The following PRELID2 variants were observed in gnomAD, a reference collection of about 807,000 sequenced individuals.
PRELID2 encodes PRELI domain-containing protein 2.
Under a neutral mutation model 28.4 loss-of-function variants are expected in PRELID2, and 25 were observed. That is an observed-to-expected ratio of 0.88 (90% CI 0.64 to 1.23). The LOEUF (loss-of-function observed/expected upper bound fraction) is 1.23. PRELID2 is among the 50% of genes most tolerant of loss of function. The probability of loss-of-function intolerance (pLI) is 0.00; values close to 1 mark genes in which losing one functional copy is unlikely to be tolerated. For synonymous variants in PRELID2, 76 were observed against 71.6 expected (o/e 1.06, Z -0.31); for missense variants, 201 against 214.4 (o/e 0.94, Z 0.39).
At chr5:145,316,930 T>C in the PRELID2 span, among the ~76,000 whole-genome samples, 4 of 152,342 alleles carry the variant, frequency 2.6e-5, no homozygotes, top group East Asian at 7.7e-4. Context: ...AATTTAGTCT[T>C]GCTCTCACAA....
chr5:145,522,381 A>G (rs534149541), intron 1 of PRELID2, among the ~76,000 whole-genome samples: 25 of 151,734 alleles, frequency 1.6e-4, no homozygotes, highest in African/African-American at 3.1e-4. Context: ...CTGTGTATCT[A>G]TCTATAGATA....
intron 1 of PRELID2, among the ~76,000 whole-genome samples, chr5:145,694,614 GA>G (rs1325434339): frequency 6.6e-6 from 1 of 152,064 alleles, no homozygotes. Flanking sequence ...TGTAGTTTTT[GA>G]CTGTTGTTTT....
the PRELID2 span, among the ~76,000 whole-genome samples, chr5:145,295,279 T>C: frequency 1.3e-5 from 2 of 152,124 alleles, no homozygotes; most frequent in South Asian, 4.1e-4. Context: ...TATTTTGTTA[T>C]AAAGACTCAA....
chr5:145,467,583 C>T (rs1315979555), downstream of PRELID2, among the ~76,000 whole-genome samples: 1 of 152,068 alleles, frequency 6.6e-6, no homozygotes, highest in East Asian at 1.9e-4. Context: ...GTGCAAAGTA[C>T]TTTACATACA....
chr5:145,262,613 C>T, the PRELID2 span, among the ~76,000 whole-genome samples: 1 of 151,946 alleles, frequency 6.6e-6, no homozygotes, highest in African/African-American at 2.4e-5. Context: ...AGGAAAGAGA[C>T]AGCCTTTTCC....
At chr5:145,796,250 A>G (rs1446185651) in intron 5 of PRELID2, 192 bp downstream of exon 5, 3 of 407,220 alleles carry the variant, frequency 7.4e-6, no homozygotes, top group Non-Finnish European at 1.3e-5. Flanking sequence ...TTAATGAGCC[A>G]TAAATGCCAC....
intron 1 of PRELID2, among the ~76,000 whole-genome samples, chr5:145,485,508 T>C (rs1381795839): frequency 1.3e-5 from 2 of 152,234 alleles, no homozygotes; most frequent in East Asian, 3.8e-4. Flanking sequence ...GCCTGCTCTG[T>C]TAACCACAAG....
chr5:145,746,114 G>A (rs1049471949), intron 1 of PRELID2, among the ~76,000 whole-genome samples: 30 of 152,210 alleles, frequency 2.0e-4, no homozygotes, highest in East Asian at 7.7e-4. Context: ...CAACTAGTGC[G>A]CAAAATAACC....
rs79736825 is a variant in PRELID2 at position 145,657,975 on chromosome 5, A to G, written n.70+106956T>C. ...TCTCATCCCATATTCTACGAGTCAT[A>G]TAAATAACATGCTCATAGATGTCAT... On this transcript the variant is annotated intron_variant and non_coding_transcript_variant, in intron 1 of 2. Transcript: ENST00000510259. Among the ~76,000 whole-genome samples the G allele has an allele frequency of 3.8e-3, 577 of 152,356 alleles. 1 individual carries two copies. Among genetic ancestry groups the G allele is most frequent in the African/African-American group, 0.013 (541 of 41,590 alleles).
At chr5:145,816,713 A>G (rs1754329780) in intron 4 of PRELID2, among the ~76,000 whole-genome samples, 1 of 152,172 alleles carries the variant, frequency 6.6e-6, no homozygotes, top group Admixed American at 6.5e-5. Flanking sequence ...TGGTCTTGTA[A>G]TATTAACTGT....
At chr5:145,819,044 C>A (rs1159673307) in intron 3 of PRELID2, among the ~76,000 whole-genome samples, 1 of 152,216 alleles carries the variant, frequency 6.6e-6, no homozygotes, top group African/African-American at 2.4e-5. Context: ...TTCCCCTGCA[C>A]ACGCTCTCTT....
At chr5:145,740,798 T>C (rs1756671394) in intron 1 of PRELID2, among the ~76,000 whole-genome samples, 1 of 116,762 alleles carries the variant, frequency 8.6e-6, no homozygotes, top group African/African-American at 3.4e-5. Context: ...TCTTTATACA[T>C]ATATGTATAT....
chr5:145,648,618 G>C (rs1754236591), intron 1 of PRELID2, among the ~76,000 whole-genome samples: 13 of 148,494 alleles, frequency 8.8e-5, no homozygotes, highest in Admixed American at 8.6e-4. Flanking sequence ...ATTTAGATGA[G>C]TTTAGGCGGT....
At chr5:145,229,326 C>T in the PRELID2 span, 2 of 742,396 alleles carry the variant, frequency 2.7e-6, no homozygotes, top group Admixed American at 3.4e-5. Flanking sequence ...CACGGGATTC[C>T]CATCCTGGTC....
the PRELID2 span, chr5:145,451,118 C>T: frequency 4.6e-5 from 7 of 152,348 alleles, no homozygotes; most frequent in East Asian, 1.4e-3. Flanking sequence ...ATCCCCACTT[C>T]TCAAAATTTC....
chr5:145,439,540 T>C, the PRELID2 span, among the ~76,000 whole-genome samples: 1 of 152,106 alleles, frequency 6.6e-6, no homozygotes, highest in African/African-American at 2.4e-5. Context: ...GCACTACCTA[T>C]TTTATCTAAA....
At chr5:145,358,324 T>G in the PRELID2 span, among the ~76,000 whole-genome samples, 1 of 152,040 alleles carries the variant, frequency 6.6e-6, no homozygotes, top group African/African-American at 2.4e-5. Flanking sequence ...AACAGAAAGC[T>G]GTGCCCCTCA....
the PRELID2 span, among the ~76,000 whole-genome samples, chr5:145,341,017 A>G: frequency 6.6e-6 from 1 of 151,824 alleles, no homozygotes; most frequent in Non-Finnish European, 1.5e-5. Flanking sequence ...TGAAGAAATC[A>G]TACAGAGATC....
chr5:145,328,104 G>A, the PRELID2 span, among the ~76,000 whole-genome samples: 13 of 152,234 alleles, frequency 8.5e-5, no homozygotes, highest in South Asian at 1.9e-3. Context: ...TCCCTGCAGA[G>A]GACATGAATT....
Sources: gnomAD v4.1 joint callset for allele counts (sites outside exome capture counted in the v4.1 genomes callset) on GRCh38, gnomAD v4.1.1 for gene constraint, MANE v1.5 for transcripts, NCBI Gene and HGNC (gene_info 2026-07-23, HGNC 2026-07-21) for gene names.